Variants in EYA2 observed in about 807,000 individuals in gnomAD.
EYA2 encodes protein phosphatase EYA2.
In EYA2, 31 loss-of-function variants were observed where a neutral mutation model predicts 69.2. That is an observed-to-expected ratio of 0.45 (90% CI 0.34 to 0.60). The LOEUF (loss-of-function observed/expected upper bound fraction) is 0.60, where lower values mean the gene tolerates loss of function less well. Ranked by LOEUF, EYA2 falls within the 20% of genes least tolerant of loss-of-function variation. The probability of loss-of-function intolerance (pLI) is 0.02; values close to 1 mark genes in which losing one functional copy is unlikely to be tolerated. For synonymous variants in EYA2, 257 were observed against 279.4 expected, an observed-to-expected ratio of 0.92 and a Z score of 0.80; for missense variants, 622 against 701.2, an observed-to-expected ratio of 0.89 and a Z score of 1.28.
chr20:47,058,779 G>A (rs930253008), intron 5 of EYA2, among the ~76,000 whole-genome samples: 1 of 152,190 alleles, frequency 6.6e-6, no homozygotes, highest in East Asian at 1.9e-4. Context: ...ATTCAGAGCT[G>A]TGGTGAGCTA....
intron 2 of EYA2, chr20:46,998,579 C>T (rs1982169314): frequency 6.6e-6 from 1 of 152,122 alleles, no homozygotes; most frequent in Non-Finnish European, 1.5e-5. Flanking sequence ...AGAGAATCTC[C>T]ACCCTTGACA....
At chr20:46,895,607 A>AT (rs1248761539) in intron 1 of EYA2, among the ~76,000 whole-genome samples, 19 of 152,332 alleles carry the variant, frequency 1.2e-4, no homozygotes, top group Non-Finnish European at 2.5e-4. Flanking sequence ...GAAACTTAGA[A>AT]AAGTTTACAT....
chr20:47,047,801 G>T (rs981997001), intron 5 of EYA2, among the ~76,000 whole-genome samples: 5 of 152,240 alleles, frequency 3.3e-5, no homozygotes, highest in Admixed American at 1.3e-4. Context: ...TTATCGTTCT[G>T]GAAATTAGAA....
intron 10 of EYA2, among the ~76,000 whole-genome samples, chr20:47,152,920 G>A (rs1294327817): frequency 6.6e-6 from 1 of 151,258 alleles, no homozygotes; most frequent in East Asian, 2.0e-4. Context: ...TGACACAGTT[G>A]AGACTCTGTC....
rs1985169841 is a variant in EYA2, at chr20:46,921,335, TACAA to T, written c.-11+26352_-11+26355del. Among the ~76,000 whole-genome samples, 2 of 152,272 alleles carry T rather than the reference TACAA, an allele frequency of 1.3e-5. 1 individual carries two copies. The highest frequency in any genetic ancestry group is 4.1e-4 in the South Asian group (2 of 4,836). On this transcript the variant is annotated intron_variant, in intron 1 of 15. Coordinates refer to ENST00000327619, the MANE Select transcript of EYA2 (RefSeq NM_005244.5). ...TAGGCTTGCATAGTATATTACAGTTTACAAACAGTCTCCACATTTATTTTCCTCA... is the reference window on the plus strand; with the variant it reads ...TAGGCTTGCATAGTATATTACAGTTTACAGTCTCCACATTTATTTTCCTCA...
chr20:47,171,607 CTCACATGG>C (rs1346317222), intron 11 of EYA2, among the ~76,000 whole-genome samples: 1 of 152,120 alleles, frequency 6.6e-6, no homozygotes, highest in African/African-American at 2.4e-5. Context: ...TTGGCCCAAA[CTCACATGG>C]CTGGTCAGCA....
intron 10 of EYA2, among the ~76,000 whole-genome samples, chr20:47,158,581 T>A (rs2034003237): frequency 6.6e-6 from 1 of 151,434 alleles, no homozygotes; most frequent in Admixed American, 6.6e-5. Context: ...GATGACACCC[T>A]TGTAGCAATG....
chr20:46,994,094 G>C (rs1248816446), intron 2 of EYA2, among the ~76,000 whole-genome samples: 1 of 152,184 alleles, frequency 6.6e-6, no homozygotes, highest in South Asian at 2.1e-4. Context: ...ATGGTGCTGA[G>C]GAACCCAGAT....
intron 1 of EYA2, among the ~76,000 whole-genome samples, chr20:46,907,817 A>G (rs1016880789): frequency 4.0e-5 from 6 of 149,538 alleles, no homozygotes; most frequent in African/African-American, 1.5e-4. Flanking sequence ...CCTGGGTGAC[A>G]GAGGGAGACT....
At chr20:46,965,604 G>A (rs541937692) in intron 1 of EYA2, among the ~76,000 whole-genome samples, 2 of 152,240 alleles carry the variant, frequency 1.3e-5, no homozygotes, top group East Asian at 1.9e-4. Flanking sequence ...TCTTCCCAGC[G>A]TGCAGAACTG....
intron 10 of EYA2, among the ~76,000 whole-genome samples, chr20:47,161,964 A>G (rs908288973): frequency 6.6e-6 from 1 of 152,156 alleles, no homozygotes; most frequent in Admixed American, 6.5e-5. Context: ...TTACTGTCCC[A>G]CAGTTCATGA....
chr20:47,131,021 G>A (rs993129203), intron 9 of EYA2, among the ~76,000 whole-genome samples: 5 of 152,064 alleles, frequency 3.3e-5, no homozygotes, highest in Admixed American at 1.3e-4. Flanking sequence ...CCCAGGAGGT[G>A]GAGGTTGCAG....
At chr20:47,109,209 A>G (rs532017132) in intron 9 of EYA2, among the ~76,000 whole-genome samples, 1 of 152,292 alleles carries the variant, frequency 6.6e-6, no homozygotes, top group Admixed American at 6.5e-5. Context: ...TTCCTCCTGA[A>G]CAAATTCCTC....
intron 1 of EYA2, among the ~76,000 whole-genome samples, chr20:46,983,711 C>T (rs915695169): frequency 6.6e-6 from 1 of 152,202 alleles, no homozygotes; most frequent in Non-Finnish European, 1.5e-5. Flanking sequence ...ATCTTTGCTC[C>T]TGTGTCCTAA....
chr20:47,114,794 C>T (rs778170219), intron 9 of EYA2, among the ~76,000 whole-genome samples: 18 of 152,308 alleles, frequency 1.2e-4, no homozygotes, highest in Non-Finnish European at 1.8e-4. Context: ...TCCCACATGG[C>T]TTCACAATAG....
intron 5 of EYA2, among the ~76,000 whole-genome samples, chr20:47,034,848 T>C (rs1386667228): frequency 6.6e-6 from 1 of 152,234 alleles, no homozygotes; most frequent in African/African-American, 2.4e-5. Flanking sequence ...TCCTGGCTTC[T>C]GGTGGTGGCA....
intron 8 of EYA2, among the ~76,000 whole-genome samples, chr20:47,093,730 C>T (rs1030690794): frequency 5.9e-5 from 9 of 152,170 alleles, no homozygotes; most frequent in African/African-American, 1.7e-4. Context: ...CTGTGCACAG[C>T]GTCAGCAGGG....
intron 10 of EYA2, among the ~76,000 whole-genome samples, chr20:47,153,496 C>A (rs1026369630): frequency 6.6e-5 from 10 of 150,946 alleles, no homozygotes; most frequent in Admixed American, 4.0e-4. Flanking sequence ...CAAAAAAAAA[C>A]AAAACAAAAT....
Position 47,063,466 on chromosome 20 carries a change from G to T in EYA2, c.416-8719G>T, listed in dbSNP as rs1326837643. Among the ~76,000 whole-genome samples, 4 of 149,944 alleles carry T rather than the reference G, an allele frequency of 2.7e-5. No homozygotes were observed. In the South Asian group the frequency reaches 8.4e-4, roughly 32 times the overall value. On this transcript the variant is annotated intron_variant, in intron 5 of 15. Coordinates refer to ENST00000327619, the MANE Select transcript of EYA2 (RefSeq NM_005244.5). ...TGAGGCAGGAGAATAGGGTCTGGAG[G>T]CAGAGAACCTAAGGCCAATTCATGC... is the stretch of plus-strand genomic sequence containing the variant.
Sources: gnomAD v4.1 joint callset for allele counts (sites outside exome capture counted in the v4.1 genomes callset) on GRCh38, gnomAD v4.1.1 for gene constraint, MANE v1.5 for transcripts, NCBI Gene and HGNC (gene_info 2026-07-23, HGNC 2026-07-21) for gene names.